DPPA4: variants seen among roughly 807,000 people sequenced by gnomAD.
DPPA4 encodes the protein developmental pluripotency associated 4, also known as developmental pluripotency-associated protein 4.
In DPPA4, 22 loss-of-function variants were observed where a neutral mutation model predicts 33.7. That is an observed-to-expected ratio of 0.65 (90% CI 0.47 to 0.93). DPPA4 has a LOEUF of 0.93. Ranked by LOEUF, DPPA4 falls within the 40% of genes least tolerant of loss-of-function variation. The probability of loss-of-function intolerance (pLI) is 0.00; values close to 1 mark genes in which losing one functional copy is unlikely to be tolerated. For synonymous variants in DPPA4, 156 were observed against 132.3 expected (o/e 1.18, Z -1.23); for missense variants, 340 against 358.6 (o/e 0.95, Z 0.42).
intron 4 of DPPA4, 98 bp downstream of exon 4, chr3:109,331,636 A>C: frequency 1.0e-6 from 1 of 956,906 alleles, no homozygotes; most frequent in Non-Finnish European, 1.6e-6. Flanking sequence ...CTAGGGGTGG[A>C]GGAACAAGGT....
chr3:109,330,100 G>A lies in DPPA4; in HGVS notation c.679+424C>T, dbSNP rs1055070817. On this transcript the variant is annotated intron_variant, in intron 5 of 6. Coordinates refer to ENST00000335658, the MANE Select transcript of DPPA4 (RefSeq NM_018189.4). ...GAGGATCATCTGAGGTCGGGAGTTC[G>A]AGACCAGCCTGACCAACATGGAGAA... 17 of 202,862 alleles carry A rather than the reference G, an allele frequency of 8.4e-5. No homozygotes were observed. In the East Asian group the frequency reaches 1.7e-3, roughly 20 times the overall value. 12.6% of individuals were successfully genotyped at this position (202,862 alleles called of 1,614,324 possible).
chr3:109,333,214 G>A (rs939447568), intron 2 of DPPA4, among the ~76,000 whole-genome samples: 12 of 151,800 alleles, frequency 7.9e-5, no homozygotes, highest in South Asian at 2.1e-4. Flanking sequence ...GGTGGCACAC[G>A]CCTGCAATCC....
chr3:109,339,087 A>T (rs996989380), upstream of DPPA4, among the ~76,000 whole-genome samples: 6 of 149,876 alleles, frequency 4.0e-5, no homozygotes, highest in Non-Finnish European at 7.4e-5. Context: ...GCTACCAAGG[A>T]GGTTGAGGCA....
chr3:109,328,613 T>C (rs976785605), intron 6 of DPPA4, among the ~76,000 whole-genome samples: 3 of 152,222 alleles, frequency 2.0e-5, no homozygotes, highest in African/African-American at 7.2e-5. Context: ...TTGCTAGTCA[T>C]TATTTCTGTG....
At chr3:109,334,125 T>TG in intron 1 of DPPA4, 132 bp from the exon 2 acceptor site, 1 of 943,276 alleles carries the variant, frequency 1.1e-6, no homozygotes, top group Non-Finnish European at 1.5e-6. Flanking sequence ...GATTCTCCTC[T>TG]GGGTATCATC....
At position 109,330,109 on chromosome 3, in the gene DPPA4, C is replaced by T. The variant is rs529873346; in HGVS notation, c.679+415G>A. ...CTGAGGTCGGGAGTTCGAGACCAGC[C>T]TGACCAACATGGAGAAACCCCATCT... On this transcript the variant is annotated intron_variant, in intron 5 of 6. Coordinates refer to ENST00000335658, the MANE Select transcript of DPPA4 (RefSeq NM_018189.4). The T allele has an allele frequency of 6.7e-5, 15 of 223,800 alleles. No individual in the cohort carries two copies. The East Asian group carries it at 1.7e-3, about 25-fold the overall frequency. The allele number at this position is 223,800 out of a possible 1,614,324, so 13.9% of individuals were successfully genotyped here.
At chr3:109,335,028 A>G (rs1708162013) in intron 1 of DPPA4, among the ~76,000 whole-genome samples, 2 of 152,218 alleles carry the variant, frequency 1.3e-5, no homozygotes, top group South Asian at 2.1e-4. Context: ...ATATTGGTTC[A>G]TTGAATTAAA....
chr3:109,330,915 C>T, intron 4 of DPPA4, 103 bp from the exon 5 acceptor site: 1 of 1,063,240 alleles, frequency 9.4e-7, no homozygotes, highest in Non-Finnish European at 1.3e-6. Flanking sequence ...CTTAGGAGGA[C>T]TAGGTTCAAG....
At chr3:109,338,064 TAGC>T (rs886996951), upstream of DPPA4, among the ~76,000 whole-genome samples, 76 of 152,268 alleles carry the variant, frequency 5.0e-4, 1 homozygote, top group African/African-American at 1.7e-3. Flanking sequence ...CTAATAATAG[TAGC>T]TTTTAAAGTC....
intron 4 of DPPA4, among the ~76,000 whole-genome samples, chr3:109,331,404 A>C (rs1708073621): frequency 6.6e-6 from 1 of 151,188 alleles, no homozygotes; most frequent in Non-Finnish European, 1.5e-5. Context: ...TGGGTGGATC[A>C]CCTGAGGCAG....
chr3:109,334,012 G>T lies in DPPA4; in HGVS notation c.55-19C>A. 6.2e-7 allele frequency: 1 copy of T among 1,613,244 alleles called. No homozygotes were observed. The highest frequency in any genetic ancestry group is 1.1e-5 in the South Asian group (1 of 90,894). ...AGGTCCACTGGGGAACAGAGGAGCT[G>T]GTCAGTCATTCCTCTAGTGTCCAAA... On this transcript the variant is annotated intron_variant, in intron 1 of 6. Transcript: ENST00000335658.
chr3:109,337,470 G>T lies in DPPA4; in HGVS notation c.48C>A (p.Gly16=), dbSNP rs1423049756. 6.2e-7 allele frequency: 1 copy of T among 1,613,850 alleles called. No homozygotes were observed. The highest frequency in any genetic ancestry group is 1.3e-5 in the African/African-American group (1 of 74,886). The change falls in exon 1 of 7, where the codon GGC becomes GGA. Residue 16 remains glycine (G), a synonymous_variant. Coordinates refer to ENST00000335658, the MANE Select transcript of DPPA4 (RefSeq NM_018189.4). ...CCACTAAAACTGTACTGACCTCCTT[G>T]CCTTTTGCCTTCTCCATACTTGTAG... ...ASSTSMEKAK[G]KEWTSTEKSR...
chr3:109,336,704 A>T (rs1708222510), intron 1 of DPPA4, among the ~76,000 whole-genome samples: 1 of 152,020 alleles, frequency 6.6e-6, no homozygotes, highest in East Asian at 1.9e-4. Flanking sequence ...GACAGGACTA[A>T]GCACCTCTTC....
Position 109,331,771 on chromosome 3 carries a change from T to C in DPPA4, c.353A>G (p.Tyr118Cys). Residue 118 changes from tyrosine to cysteine, a missense_variant, in exon 4 of 7, where the codon TAT becomes TGT. Tyr to Cys is a radical substitution (Grantham distance 194). Transcript: ENST00000335658. The stretch of plus-strand genomic sequence containing the variant: ...GTAGGCAAAGGCACACAGGCGCTTA[T>C]ATGCATCCAATTTCTAAGACAATAG... ...LSSKGQKLDA[Y>C]KRLCAFAYPN... is the part of the protein sequence containing the mutation. The C allele has an allele frequency of 6.2e-7, 1 of 1,614,098 alleles. No individual in the cohort carries two copies. Among genetic ancestry groups the C allele is most frequent in the South Asian group, 1.1e-5 (1 of 91,078 alleles).
At chr3:109,328,867 G>A (rs1324086032) in intron 6 of DPPA4, 23 bp downstream of exon 6, 2 of 1,594,612 alleles carry the variant, frequency 1.3e-6, no homozygotes, top group African/African-American at 2.7e-5. Flanking sequence ...CTTTTAGTTT[G>A]TAGAAAAGCA....
At position 109,330,538 on chromosome 3, in the gene DPPA4, G is replaced by A. The variant is rs543557352; in HGVS notation, c.665C>T (p.Pro222Leu). The change falls in exon 5 of 7, where the codon CCA (proline) becomes CTA (leucine). Residue 222 changes from proline (P) to leucine (L), a missense_variant. Coordinates refer to ENST00000335658, the MANE Select transcript of DPPA4 (RefSeq NM_018189.4). ...RARTPEAVES[P>L]QEASGVRWCV... ...GTTGCGCTTACCAGAGGCCTCTTGT[G>A]GAGATTCCACTGCCTCTGGTGTCCT... 61 of 1,613,926 alleles carry A rather than the reference G, an allele frequency of 3.8e-5. No individual in the cohort carries two copies. The highest frequency in any genetic ancestry group is 1.7e-4 in the Middle Eastern group (1 of 6,054).
At position 109,327,650 on chromosome 3, in the gene DPPA4, A is replaced by G. The variant is rs1411303749; in HGVS notation, c.*338T>C. On this transcript the variant is annotated 3_prime_UTR_variant, in exon 7 of 7. Coordinates refer to ENST00000335658, the MANE Select transcript of DPPA4 (RefSeq NM_018189.4). ...GCACCACTGCACTCCAGCCTGGGCA[A>G]CAGTGAGACACTGTCTCAAAATACA... is the stretch of plus-strand genomic sequence containing the variant. 4.9e-6 allele frequency: 1 copy of G among 205,900 alleles called. No individual in the cohort carries two copies. The highest frequency in any genetic ancestry group is 2.3e-5 in the African/African-American group (1 of 42,640). The allele number at this position is 205,900 out of a possible 1,614,324, so 12.8% of individuals were successfully genotyped here.
intron 4 of DPPA4, among the ~76,000 whole-genome samples, 170 bp downstream of exon 4, chr3:109,331,564 A>AAAAAAAAAAAG (rs1559708949): frequency 2.8e-5 from 3 of 106,188 alleles, no homozygotes; most frequent in Non-Finnish European, 5.6e-5. Context: ...AAAAAAAAAA[A>AAAAAAAAAAAG]AAAGAAAGAA....
At chr3:109,330,936 T>C in intron 4 of DPPA4, 124 bp from the exon 5 acceptor site, 1 of 918,036 alleles carries the variant, frequency 1.1e-6, no homozygotes, top group Non-Finnish European at 1.6e-6. Context: ...AGATCTATTG[T>C]ACAAGTTGGT....
Sources: allele counts gnomAD v4.1 joint callset (sites outside exome capture counted in the v4.1 genomes callset), GRCh38; gene constraint gnomAD v4.1.1; transcripts MANE v1.5; gene names NCBI Gene and HGNC (gene_info 2026-07-23, HGNC 2026-07-21).